DTX2: variants seen among roughly 807,000 people sequenced by gnomAD.
DTX2 encodes probable E3 ubiquitin-protein ligase DTX2.
DTX2 carries 29 observed loss-of-function variants against 55.3 expected under a neutral mutation model. The observed-to-expected ratio is 0.52, with a 90% CI of 0.39 to 0.71. The LOEUF (loss-of-function observed/expected upper bound fraction) is 0.71. Among genes scored for constraint, DTX2 ranks in the 30% least tolerant of loss-of-function variants. DTX2 has a pLI of 0.00. For synonymous variants in DTX2, 276 were observed against 340.4 expected, an observed-to-expected ratio of 0.81 and a Z score of 2.08; for missense variants, 537 against 822.5, an observed-to-expected ratio of 0.65 and a Z score of 4.25.
intron 5 of DTX2, among the ~76,000 whole-genome samples, chr7:76,495,798 A>C (rs937868036): frequency 3.2e-4 from 48 of 151,844 alleles, no homozygotes; most frequent in African/African-American, 1.1e-3. Flanking sequence ...GGAGGCTTGG[A>C]GGGACAGGCC....
rs1191792696 is a variant in DTX2, at chr7:76,502,563, T to C, written c.1389+107T>C. 1.4e-5 allele frequency: 18 copies of C among 1,285,768 alleles called. No homozygotes were observed. In the Admixed American group the frequency reaches 4.8e-4, roughly 34 times the overall value. The allele number at this position is 1,285,768 out of a possible 1,614,324, so 79.6% of individuals were successfully genotyped here. ...GGGGGTGGCTGTAGGAATGGGCCTC[T>C]GCAAAAGATGGTGCTGGGCGTGGGG... On this transcript the variant is annotated intron_variant, in intron 8 of 10. Transcript: ENST00000430490.
intron 3 of DTX2, among the ~76,000 whole-genome samples, chr7:76,481,835 G>T (rs1341508909): frequency 3.4e-5 from 5 of 146,884 alleles, no homozygotes; most frequent in Non-Finnish European, 7.5e-5. Flanking sequence ...AAAAGTATGG[G>T]TTTTTTTTTT....
At chr7:76,503,761 G>T (rs1319584883) in intron 9 of DTX2, among the ~76,000 whole-genome samples, 174 bp downstream of exon 9, 1 of 150,224 alleles carries the variant, frequency 6.7e-6, no homozygotes, top group Admixed American at 6.7e-5. Flanking sequence ...CAGTGCCGGG[G>T]CTTAGGGTAA....
rs750705032 is a variant in DTX2, at chr7:76,502,278, C to A, written c.1231-20C>A. On this transcript the variant is annotated intron_variant, in intron 7 of 10. Transcript: ENST00000430490. ...CCAGCCCACTGTTGGCGAGCATGAC[C>A]CATGTTTGGTCTCCTCCAGGACTGC... The A allele has an allele frequency of 9.4e-6, 15 of 1,588,708 alleles. No individual in the cohort carries two copies. The highest frequency in any genetic ancestry group is 1.7e-5 in the Admixed American group (1 of 59,396).
At chr7:76,479,718 G>A (rs1351781443) in intron 2 of DTX2, among the ~76,000 whole-genome samples, 1 of 151,760 alleles carries the variant, frequency 6.6e-6, no homozygotes, top group East Asian at 1.9e-4. Context: ...CCGGGAGGTG[G>A]AGGTTGCAGT....
At chr7:76,498,300 C>T (rs1329374929) in intron 6 of DTX2, among the ~76,000 whole-genome samples, 2 of 150,276 alleles carry the variant, frequency 1.3e-5, no homozygotes, top group African/African-American at 4.9e-5. Flanking sequence ...CGTGTCCGAC[C>T]TCCAGCCCAC....
rs577857102 is a variant in DTX2 at position 76,474,146 on chromosome 7, C to A, written c.-89-6275C>A. On this transcript the variant is annotated intron_variant, in intron 2 of 10. Coordinates refer to ENST00000430490, the MANE Select transcript of DTX2 (RefSeq NM_001102594.3). ...ATGTTGGTCAGGCTGGTCTCAAACT[C>A]CCGACCTCAGGTGATCCGTGCCTGG... is the stretch of plus-strand genomic sequence containing the variant. Among the ~76,000 whole-genome samples, 5 of 151,464 alleles carry A rather than the reference C, an allele frequency of 3.3e-5. No homozygotes were observed. In the East Asian group the frequency reaches 9.8e-4, roughly 30 times the overall value.
intron 2 of DTX2, among the ~76,000 whole-genome samples, chr7:76,479,608 C>T (rs1475629415): frequency 3.8e-5 from 4 of 106,436 alleles, no homozygotes; most frequent in African/African-American, 4.1e-5. Context: ...GGTGAAACCC[C>T]GTCTCTACTA....
At chr7:76,475,341 C>T (rs1359850011) in intron 2 of DTX2, among the ~76,000 whole-genome samples, 1 of 151,314 alleles carries the variant, frequency 6.6e-6, no homozygotes, top group Admixed American at 6.6e-5. Flanking sequence ...ACCCTTTGAT[C>T]ATTAAAAAGT....
chr7:76,482,522 G>C lies in DTX2; in HGVS notation c.283G>C (p.Val95Leu), dbSNP rs1366150484. 1.9e-5 allele frequency: 31 copies of C among 1,604,026 alleles called. 1 individual carries two copies. The highest frequency in any genetic ancestry group is 2.6e-5 in the Non-Finnish European group (31 of 1,172,698). The change falls in exon 4 of 11, where the codon GTG (valine) becomes CTG (leucine). Residue 95 changes from valine to leucine, a missense_variant. Physicochemically the swap from Val to Leu is conservative, Grantham distance 32. Around this residue, in one of 7 missense-constraint regions of DTX2, gnomAD observed 301 missense variants for 396.6 expected, o/e 0.76. Transcript: ENST00000430490. ...TTTGAAAATAGGCACCATGCGGGCTGTGCGGAGACACCTGTTCCCCCAGCA... is the reference window on the plus strand; with the variant it reads ...TTTGAAAATAGGCACCATGCGGGCTCTGCGGAGACACCTGTTCCCCCAGCA... ...FRQDTGTMRA[V>L]RRHLFPQHSA...
chr7:76,467,036 G>A (rs1807261479), intron 2 of DTX2, among the ~76,000 whole-genome samples: 1 of 152,040 alleles, frequency 6.6e-6, no homozygotes, highest in African/African-American at 2.4e-5. Flanking sequence ...GAATAGCTGG[G>A]ACTACAGGCA....
In DTX2 at chr7:76,505,336, T is replaced by A; in HGVS notation, c.1642-38T>A. On this transcript the variant is annotated intron_variant, in intron 10 of 10. Transcript: ENST00000430490. The surrounding 1 kb of genome is among the most constrained non-coding windows in gnomAD (Gnocchi z 4.4). ...CTCACTGAGCCCCTCTCACTCTCCG[T>A]CCCCTCCTTCCTCTTCCCCCTCCTC... is the stretch of plus-strand genomic sequence containing the variant. 6.6e-7 allele frequency: 1 copy of A among 1,520,194 alleles called. No homozygotes were observed. The highest frequency in any genetic ancestry group is 8.9e-7 in the Non-Finnish European group (1 of 1,120,590). 94.2% of individuals were successfully genotyped at this position (1,520,194 alleles called of 1,614,324 possible).
rs993659117 is a variant in DTX2, at chr7:76,480,576, G to C, written c.67G>C (p.Glu23Gln). 3 of 1,612,786 alleles carry C rather than the reference G, an allele frequency of 1.9e-6. No individual in the cohort carries two copies. In the African/African-American group the frequency reaches 4.0e-5, roughly 22 times the overall value. Residue 23 changes from glutamate (E) to glutamine (Q), a missense_variant, in exon 3 of 11, where the codon GAA becomes CAA. Glu to Gln is a conservative substitution (Grantham distance 29, BLOSUM62 2). This residue lies in a region of DTX2 where 301 missense variants were observed against 396.6 expected (regional missense o/e 0.76). Coordinates refer to ENST00000430490, the MANE Select transcript of DTX2 (RefSeq NM_001102594.3). ...YTSPAAVAVW[E>Q]WQDGLGTWHP... is the part of the protein sequence containing the mutation. Reference sequence around the variant, plus strand: ...CAGCCCCGCGGCTGTGGCCGTGTGGGAATGGCAGGACGGGCTGGGCACCTG... The same window carrying C: ...CAGCCCCGCGGCTGTGGCCGTGTGGCAATGGCAGGACGGGCTGGGCACCTG...
In DTX2 at chr7:76,505,178, G is replaced by A. The variant is rs1480442285; in HGVS notation, c.1642-196G>A. On this transcript the variant is annotated intron_variant, in intron 10 of 10. Transcript: ENST00000430490. This position sits in a 1 kb window ranked among gnomAD's most constrained non-coding sequence, Gnocchi z 4.4. ...CTGAGGCGGGGTGGGCTGGAGCCCA[G>A]GTTCATGTGGGATCCTAATGTACTA... Among the ~76,000 whole-genome samples, 2 of 152,110 alleles carry A rather than the reference G, an allele frequency of 1.3e-5. No homozygotes were observed. Among genetic ancestry groups the A allele is most frequent in the African/African-American group, 4.8e-5 (2 of 41,422 alleles).
rs752001142 is a variant in DTX2 at position 76,503,578 on chromosome 7, T to A, written c.1542T>A (p.His514Gln). Residue 514 changes from histidine to glutamine, a missense_variant, in exon 9 of 11, where the codon CAT becomes CAA. His to Gln is a conservative substitution (Grantham distance 24). Around this residue, in one of 7 missense-constraint regions of DTX2, gnomAD observed 121 missense variants for 136.8 expected, o/e 0.88. Transcript: ENST00000430490. Reference sequence around the variant, plus strand: ...TCCTCATAGTTTACAGCATTCCCCATGGTATCCAGGTGAGGGGCCTTCTTG... The same window carrying A: ...TCCTCATAGTTTACAGCATTCCCCAAGGTATCCAGGTGAGGGGCCTTCTTG... The part of the protein sequence containing the change: ...GTILIVYSIP[H>Q]GIQGPEHPNP... 1 of 1,611,270 alleles carries A rather than the reference T, an allele frequency of 6.2e-7. No homozygotes were observed. Among genetic ancestry groups the A allele is most frequent in the Non-Finnish European group, 8.5e-7 (1 of 1,178,944 alleles).
chr7:76,486,696 C>T (rs1220468943), intron 4 of DTX2, among the ~76,000 whole-genome samples: 2 of 119,478 alleles, frequency 1.7e-5, no homozygotes, highest in Admixed American at 9.7e-5. Context: ...TGTGACACTG[C>T]TTAGCACTTG....
At chr7:76,482,362 A>G in intron 3 of DTX2, 146 bp from the exon 4 acceptor site, 1 of 1,055,972 alleles carries the variant, frequency 9.5e-7, no homozygotes, top group South Asian at 1.6e-5. Context: ...CCTGCCTCTA[A>G]CAATAAATAA....
intron 2 of DTX2, among the ~76,000 whole-genome samples, chr7:76,466,684 C>A (rs181493521): frequency 6.6e-6 from 1 of 152,220 alleles, no homozygotes; most frequent in African/African-American, 2.4e-5. Context: ...CTCCACCTCC[C>A]GGGTTCAAGC....
chr7:76,481,848 GTGTT>G (rs66658628), intron 3 of DTX2, among the ~76,000 whole-genome samples: 78,453 of 145,138 alleles, frequency 0.54, 21,235 homozygotes, highest in African/African-American at 0.63. Flanking sequence ...TTTTTTTTTC[GTGTT>G]TGTTTGTTTG....
Sources: allele counts gnomAD v4.1 joint callset (sites outside exome capture counted in the v4.1 genomes callset), GRCh38; gene constraint gnomAD v4.1.1; regional missense constraint gnomAD v4.1.1; non-coding constraint Gnocchi (gnomAD v3.1); transcripts MANE v1.5; gene names NCBI Gene and HGNC (gene_info 2026-07-23, HGNC 2026-07-21).